The following TANC2 variants were observed in gnomAD, a reference collection of about 807,000 sequenced individuals.
TANC2 encodes tetratricopeptide repeat, ankyrin repeat and coiled-coil containing 2.
TANC2 carries 26 observed loss-of-function variants against 210.5 expected under a neutral mutation model. The observed-to-expected ratio is 0.12, with a 90% confidence interval of 0.09 to 0.17. The LOEUF (loss-of-function observed/expected upper bound fraction) is 0.17. TANC2 is among the 10% of genes least tolerant of loss of function. TANC2 has a pLI of 1.00. For missense variants in TANC2, 2,129 were observed against 2,608.9 expected (o/e 0.82, Z 4.01); for synonymous variants, 931 against 967.1 (o/e 0.96, Z 0.69).
At chr17:63,333,979 A>AT (rs1276756820) in intron 11 of TANC2, 5 of 152,396 alleles carry the variant, frequency 3.3e-5, no homozygotes, top group African/African-American at 1.2e-4. Context: ...TAGTGTAAAC[A>AT]TAACTTTTAT....
intron 1 of TANC2, among the ~76,000 whole-genome samples, chr17:62,974,457 C>A (rs1189365005): frequency 6.6e-6 from 1 of 152,136 alleles, no homozygotes; most frequent in Non-Finnish European, 1.5e-5. Context: ...GTTAGGCAGA[C>A]ACCTTGTGTG....
intron 3 of TANC2, among the ~76,000 whole-genome samples, chr17:63,094,810 A>C (rs1229501943): frequency 6.6e-6 from 1 of 152,210 alleles, no homozygotes; most frequent in Non-Finnish European, 1.5e-5. Context: ...CCAGGTGTCC[A>C]GCATAACTGA....
intron 1 of TANC2, chr17:62,968,421 A>G (rs1365065910): frequency 2.0e-5 from 3 of 152,188 alleles, no homozygotes; most frequent in East Asian, 3.8e-4. Context: ...TTGAGGGATC[A>G]TTTGCTTCAA....
At chr17:63,130,151 C>CA (rs2038866034) in intron 4 of TANC2, among the ~76,000 whole-genome samples, 1 of 152,118 alleles carries the variant, frequency 6.6e-6, no homozygotes, top group African/African-American at 2.4e-5. Context: ...ATTTCCTCTC[C>CA]AGTATCCAAC....
chr17:63,323,679 A>G (rs1226816903), intron 11 of TANC2, among the ~76,000 whole-genome samples: 2 of 152,150 alleles, frequency 1.3e-5, no homozygotes, highest in Admixed American at 1.3e-4. Flanking sequence ...TTGCTATATC[A>G]TTTCTTCATT....
chr17:63,260,965 C>T (rs4616347), intron 8 of TANC2, among the ~76,000 whole-genome samples: 22,767 of 151,958 alleles, frequency 0.15, 2,032 homozygotes, highest in Middle Eastern at 0.21. Flanking sequence ...GTCACGGTGG[C>T]TTATGCCTGT....
chr17:63,095,171 T>C (rs1459918623), intron 3 of TANC2, among the ~76,000 whole-genome samples: 1 of 151,992 alleles, frequency 6.6e-6, no homozygotes, highest in Non-Finnish European at 1.5e-5. Flanking sequence ...CAGAGAGGTT[T>C]TTCTTTGTTG....
At chr17:63,062,533 G>A (rs1375986356) in intron 2 of TANC2, among the ~76,000 whole-genome samples, 1 of 152,082 alleles carries the variant, frequency 6.6e-6, no homozygotes, top group Non-Finnish European at 1.5e-5. Flanking sequence ...TTCTTAGAGT[G>A]GGCAAACACC....
exon 28 of TANC2, chr17:63,424,956 T>C (rs2049109281): frequency 6.6e-6 from 1 of 152,210 alleles, no homozygotes. Context: ...CCAGCAATGT[T>C]CTTAGGGACT....
At chr17:63,362,867 C>T (rs780728597) in intron 14 of TANC2, among the ~76,000 whole-genome samples, 1 of 152,164 alleles carries the variant, frequency 6.6e-6, no homozygotes, top group African/African-American at 2.4e-5. Context: ...CCCACCCTGA[C>T]AACTCAGGAG....
intron 4 of TANC2, among the ~76,000 whole-genome samples, chr17:63,123,922 T>C (rs999410075): frequency 3.9e-5 from 6 of 151,966 alleles, no homozygotes; most frequent in Non-Finnish European, 7.4e-5. Context: ...AGGCTGGTCT[T>C]GAATGTCTGA....
In TANC2 at chr17:63,412,700, C is replaced by T. The variant is rs1282757978; in HGVS notation, c.3919C>T (p.Arg1307Cys). ...TGAAGGTTGTCAGACGTTACCGAGT[C>T]GCCCACGAGGTATATTTCACCGCTG... The change falls in exon 24 of 28, where the codon CGC (arginine) becomes TGC (cysteine). Residue 1307 changes from arginine (R) to cysteine (C), a missense_variant. Arg to Cys is a radical substitution (Grantham distance 180, BLOSUM62 -3). Coordinates refer to ENST00000689528, the Ensembl canonical transcript of TANC2. The surrounding 1 kb of genome is among the most constrained non-coding windows in gnomAD (Gnocchi z 4.2). The T allele has an allele frequency of 4.6e-6, 7 of 1,535,398 alleles. No homozygotes were observed. In the East Asian group the frequency reaches 7.3e-5, roughly 16 times the overall value.
chr17:63,231,660 G>C (rs574090862), intron 7 of TANC2, among the ~76,000 whole-genome samples: 66 of 152,194 alleles, frequency 4.3e-4, no homozygotes, highest in African/African-American at 1.5e-3. Context: ...CTTTATAGGT[G>C]GCCTGGCCTT....
chr17:63,069,800 T>G (rs79062178), intron 2 of TANC2, among the ~76,000 whole-genome samples: 4,485 of 152,290 alleles, frequency 0.029, 82 homozygotes, highest in South Asian at 0.037. Context: ...GATTACTGGG[T>G]TCCATTGTGC....
At chr17:63,176,900 C>T (rs2040604124) in intron 5 of TANC2, among the ~76,000 whole-genome samples, 2 of 151,338 alleles carry the variant, frequency 1.3e-5, no homozygotes, top group Admixed American at 6.6e-5. Context: ...ATACAGACTT[C>T]CAGAGAGTAA....
chr17:63,238,812 A>C (rs2042693063), intron 8 of TANC2, among the ~76,000 whole-genome samples: 1 of 152,210 alleles, frequency 6.6e-6, no homozygotes, highest in South Asian at 2.1e-4. Context: ...AAGGAGGAAC[A>C]AGTACCTGCT....
chr17:63,078,557 C>T (rs1325113721), intron 3 of TANC2, among the ~76,000 whole-genome samples: 2 of 152,122 alleles, frequency 1.3e-5, no homozygotes, highest in Non-Finnish European at 2.9e-5. Context: ...TTATAAATTT[C>T]TGTTTACTGC....
intron 14 of TANC2, among the ~76,000 whole-genome samples, chr17:63,372,088 T>TGATC (rs1444153661): frequency 1.3e-5 from 2 of 152,212 alleles, no homozygotes; most frequent in East Asian, 3.8e-4. Context: ...CTGTGACCTG[T>TGATC]GATCAACTTT....
chr17:63,063,575 TA>T (rs2036082676), intron 2 of TANC2, among the ~76,000 whole-genome samples: 9 of 132,490 alleles, frequency 6.8e-5, no homozygotes, highest in Non-Finnish European at 1.1e-4. Context: ...TGTGTGTGTG[TA>T]GATATATCTC....
Sources: gnomAD v4.1 joint callset for allele counts (sites outside exome capture counted in the v4.1 genomes callset) on GRCh38, gnomAD v4.1.1 for gene constraint, Gnocchi (gnomAD v3.1) non-coding constraint, MANE v1.5 for transcripts, NCBI Gene and HGNC (gene_info 2026-07-23, HGNC 2026-07-21) for gene names.